FOCAD: variants seen among roughly 807,000 people sequenced by gnomAD.
FOCAD encodes the protein KIAA1797.
In FOCAD, 198 loss-of-function variants were observed where a neutral mutation model predicts 225.6. That is an observed-to-expected ratio of 0.88 (90% CI 0.78 to 0.99). FOCAD has a LOEUF of 0.99. Ranked by LOEUF, FOCAD falls within the 50% of genes least tolerant of loss-of-function variation. FOCAD has a pLI of 0.00. For missense variants in FOCAD, 2,713 were observed against 2,123.6 expected (o/e 1.28, Z -5.46); for synonymous variants, 897 against 755.0 (o/e 1.19, Z -3.08).
chr9:20,679,963 C>G (rs966757819), upstream of FOCAD, among the ~76,000 whole-genome samples: 4 of 152,214 alleles, frequency 2.6e-5, no homozygotes, highest in African/African-American at 9.6e-5. Context: ...AAATATTCCT[C>G]AGGCTGAAAG....
At chr9:20,812,411 G>C (rs1386058171) in intron 11 of FOCAD, among the ~76,000 whole-genome samples, 3 of 151,862 alleles carry the variant, frequency 2.0e-5, no homozygotes, top group Non-Finnish European at 4.4e-5. Flanking sequence ...TTTATAAGTA[G>C]ATAACACTAC....
At chr9:20,815,137 G>GTTTTTTTTGTTTTTTTT (rs1823564601) in intron 11 of FOCAD, among the ~76,000 whole-genome samples, 2 of 69,116 alleles carry the variant, frequency 2.9e-5, no homozygotes, top group African/African-American at 1.2e-4. Flanking sequence ...TTTTTTTTTT[G>GTTTTTTTTGTTTTTTTT]TTTTTTTTTT....
intron 5 of FOCAD, among the ~76,000 whole-genome samples, chr9:20,748,368 A>G (rs1419656149): frequency 6.6e-6 from 1 of 151,992 alleles, no homozygotes; most frequent in Admixed American, 6.6e-5. Context: ...TGTAGCAACT[A>G]CCTAAGATAT....
chr9:20,666,229 A>T (rs932457751), intron 2 of FOCAD, among the ~76,000 whole-genome samples: 4 of 152,198 alleles, frequency 2.6e-5, no homozygotes, highest in African/African-American at 9.7e-5. Flanking sequence ...TATGCATTCT[A>T]TAAAGTGATT....
chr9:20,791,058 T>C (rs993147902), intron 11 of FOCAD, among the ~76,000 whole-genome samples: 3 of 152,202 alleles, frequency 2.0e-5, no homozygotes, highest in Admixed American at 1.3e-4. Context: ...CAATGTTTTC[T>C]TTCAGTGTTG....
At chr9:20,885,805 T>C (rs1242607881) in intron 21 of FOCAD, among the ~76,000 whole-genome samples, 1 of 152,190 alleles carries the variant, frequency 6.6e-6, no homozygotes, top group Non-Finnish European at 1.5e-5. Flanking sequence ...GTATTTTTAT[T>C]GTTTTTAAAT....
At chr9:20,777,930 A>C (rs1818935373) in intron 8 of FOCAD, among the ~76,000 whole-genome samples, 1 of 151,840 alleles carries the variant, frequency 6.6e-6, no homozygotes, top group African/African-American at 2.4e-5. Flanking sequence ...CTCTACTAAA[A>C]ATACAAAAAA....
At chr9:20,701,156 C>T (rs917352244) in intron 1 of FOCAD, among the ~76,000 whole-genome samples, 1 of 152,214 alleles carries the variant, frequency 6.6e-6, no homozygotes, top group African/African-American at 2.4e-5. Context: ...CCTCATATTC[C>T]CTCTGCCTGG....
intron 15 of FOCAD, among the ~76,000 whole-genome samples, chr9:20,853,546 G>A (rs866560103): frequency 2.0e-5 from 3 of 151,730 alleles, no homozygotes; most frequent in African/African-American, 7.2e-5. Context: ...TAATATGAGA[G>A]TAGCTTTACT....
intron 1 of FOCAD, among the ~76,000 whole-genome samples, chr9:20,710,001 C>G (rs1243397347): frequency 2.0e-5 from 3 of 152,172 alleles, no homozygotes; most frequent in African/African-American, 4.8e-5. Context: ...TACCCAGCTG[C>G]TCACCTGGTC....
rs1842014801 is a variant in FOCAD at position 20,995,766 on chromosome 9, C to T, written c.*137C>T. ...AAGGGTCATGAAAAGATGGCCACAT[C>T]ACTGACAGCTTGACACATGCCTCCT... On this transcript the variant is annotated 3_prime_UTR_variant, in exon 44 of 44. Transcript: ENST00000338382. 1.0e-5 allele frequency: 7 copies of T among 687,218 alleles called. No homozygotes were observed. Among genetic ancestry groups the T allele is most frequent in the Non-Finnish European group, 1.7e-5 (7 of 411,706 alleles). The allele number at this position is 687,218 out of a possible 1,614,324, so 42.6% of individuals were successfully genotyped here.
upstream of FOCAD, among the ~76,000 whole-genome samples, chr9:20,680,693 A>T (rs1323541966): frequency 1.3e-5 from 2 of 152,212 alleles, no homozygotes; most frequent in African/African-American, 4.8e-5. Context: ...GCAGCTAGCC[A>T]TGGTGGCTTA....
In FOCAD at chr9:20,840,596, GT is replaced by G. The variant is rs143705775; in HGVS notation, c.1920+17492del. ...GTAGAAATGCCACTGATTTTTTAAT[GT>G]TTTTTTTTTTAATTCTTTAACTTTC... On this transcript the variant is annotated intron_variant, in intron 15 of 43. Coordinates refer to ENST00000338382, the MANE Select transcript of FOCAD (RefSeq NM_001375567.1). 4.5e-3 allele frequency among the ~76,000 whole-genome samples: 634 copies of G among 140,444 alleles called. 17 individuals carry two copies. The South Asian group carries it at 0.051, about 11-fold the overall frequency. 92.1% of individuals were successfully genotyped at this position (140,444 alleles called of 152,430 possible). A position where few individuals can be genotyped will look rare whatever the true frequency, so the allele number is the denominator to read the frequency against.
chr9:20,821,659 A>G lies in FOCAD; in HGVS notation c.1793+588A>G, dbSNP rs112373448. On this transcript the variant is annotated intron_variant, in intron 14 of 43. Transcript: ENST00000338382. ...GAAATAATACAAGTCAAGCTCTACC[A>G]TATCCAAATTTTTTTTTCTTGCATG... 8.1e-3 allele frequency among the ~76,000 whole-genome samples: 1,227 copies of G among 152,222 alleles called. 18 individuals are homozygous for G. The highest frequency in any genetic ancestry group is 0.028 in the African/African-American group (1,163 of 41,554).
At chr9:20,812,300 G>C (rs1432001180) in intron 11 of FOCAD, among the ~76,000 whole-genome samples, 1 of 151,668 alleles carries the variant, frequency 6.6e-6, no homozygotes, top group Non-Finnish European at 1.5e-5. Flanking sequence ...TAAAGTATGA[G>C]CTATCATATT....
intron 2 of FOCAD, among the ~76,000 whole-genome samples, chr9:20,676,460 G>T (rs1822239757): frequency 6.6e-6 from 1 of 152,244 alleles, no homozygotes; most frequent in Admixed American, 6.5e-5. Context: ...ACTTCATCAT[G>T]TTTCTCAATA....
At chr9:20,836,021 A>G (rs746871574) in intron 15 of FOCAD, among the ~76,000 whole-genome samples, 6 of 152,046 alleles carry the variant, frequency 3.9e-5, no homozygotes, top group Non-Finnish European at 7.4e-5. Flanking sequence ...TGGCTATTCT[A>G]TCCCCTTTTA....
intron 29 of FOCAD, 111 bp from the exon 30 acceptor site, chr9:20,946,590 G>A: frequency 8.3e-7 from 1 of 1,201,998 alleles, no homozygotes; most frequent in Non-Finnish European, 1.2e-6. Flanking sequence ...AAATGTATGT[G>A]AATCCAATTC....
chr9:20,981,345 C>G (rs562616882), intron 37 of FOCAD, 81 bp from the exon 38 acceptor site: 7 of 1,470,292 alleles, frequency 4.8e-6, no homozygotes, highest in Admixed American at 1.8e-5. Flanking sequence ...TACCCTCAAA[C>G]ACAGTGATGA....
Sources: gnomAD v4.1 joint callset for allele counts (sites outside exome capture counted in the v4.1 genomes callset) on GRCh38, gnomAD v4.1.1 for gene constraint, MANE v1.5 for transcripts, NCBI Gene and HGNC (gene_info 2026-07-23, HGNC 2026-07-21) for gene names.